Variants in ARHGAP26 observed in about 807,000 individuals in gnomAD.
The protein encoded by ARHGAP26 is Rho GTPase activating protein 26, also known as rho GTPase-activating protein 26.
ARHGAP26 carries 38 observed loss-of-function variants against 104.8 expected under a neutral mutation model. That is an observed-to-expected ratio of 0.36 (90% CI 0.28 to 0.48). ARHGAP26 has a LOEUF of 0.48. Ranked by LOEUF, ARHGAP26 falls within the 20% of genes least tolerant of loss-of-function variation. ARHGAP26 has a pLI of 0.99. For missense variants in ARHGAP26, 704 were observed against 947.9 expected, an observed-to-expected ratio of 0.74 and a Z score of 3.38; for synonymous variants, 341 against 340.0, an observed-to-expected ratio of 1.00 and a Z score of -0.03.
chr5:143,122,053 C>G (rs1796206813), intron 18 of ARHGAP26, among the ~76,000 whole-genome samples: 1 of 152,218 alleles, frequency 6.6e-6, no homozygotes, highest in African/African-American at 2.4e-5. Flanking sequence ...TGACTTTTTA[C>G]AAGAGCCTCC....
intron 3 of ARHGAP26, among the ~76,000 whole-genome samples, chr5:142,876,161 C>T (rs1429016176): frequency 6.6e-6 from 1 of 152,184 alleles, no homozygotes; most frequent in African/African-American, 2.4e-5. Context: ...GACTTGAAGT[C>T]CCCTGCTGCC....
intron 11 of ARHGAP26, among the ~76,000 whole-genome samples, chr5:142,960,432 T>C (rs1770026032): frequency 6.6e-6 from 1 of 152,238 alleles, no homozygotes; most frequent in African/African-American, 2.4e-5. Context: ...AGTTTTTAAT[T>C]GCACATCATT....
At chr5:142,775,250 A>C (rs1475005310) in intron 1 of ARHGAP26, among the ~76,000 whole-genome samples, 2 of 152,160 alleles carry the variant, frequency 1.3e-5, no homozygotes, top group Non-Finnish European at 2.9e-5. Context: ...GTTGCTCTAC[A>C]TTCTGCTCAG....
At chr5:142,885,473 C>G in intron 5 of ARHGAP26, 74 bp downstream of exon 5, 7 of 1,369,822 alleles carry the variant, frequency 5.1e-6, no homozygotes, top group Non-Finnish European at 6.1e-6. Context: ...GCTGGTTGCT[C>G]TTTGCTAGAA....
chr5:142,791,517 G>A (rs1597634409), intron 1 of ARHGAP26, among the ~76,000 whole-genome samples: 2 of 152,172 alleles, frequency 1.3e-5, no homozygotes, highest in East Asian at 3.8e-4. Context: ...TCGGTGAATT[G>A]ATGTGTTTCC....
chr5:143,029,594 A>T (rs144412690), intron 12 of ARHGAP26, among the ~76,000 whole-genome samples: 172 of 151,738 alleles, frequency 1.1e-3, no homozygotes, highest in African/African-American at 3.9e-3. Flanking sequence ...CTTTTTGTAG[A>T]GATGAGGTTT....
intron 17 of ARHGAP26, among the ~76,000 whole-genome samples, chr5:143,060,267 T>C (rs1399421474): frequency 3.3e-5 from 5 of 152,246 alleles, no homozygotes; most frequent in Non-Finnish European, 7.3e-5. Flanking sequence ...ACTTCTCTTA[T>C]TACTTACTGT....
intron 1 of ARHGAP26, among the ~76,000 whole-genome samples, chr5:142,776,974 G>A (rs1756455443): frequency 6.6e-6 from 1 of 152,152 alleles, no homozygotes; most frequent in African/African-American, 2.4e-5. Flanking sequence ...GGTGTGAAGT[G>A]GTATCTCGTT....
chr5:142,934,204 G>C (rs1216851459), intron 11 of ARHGAP26, among the ~76,000 whole-genome samples: 2 of 152,108 alleles, frequency 1.3e-5, no homozygotes, highest in Non-Finnish European at 2.9e-5. Flanking sequence ...TTTGTTCTCT[G>C]TCTGCGTATA....
chr5:142,799,620 A>T (rs898300738), intron 1 of ARHGAP26, among the ~76,000 whole-genome samples: 1 of 152,204 alleles, frequency 6.6e-6, no homozygotes, highest in Non-Finnish European at 1.5e-5. Context: ...TTATTGGCTC[A>T]AAATTCTGGA....
intron 1 of ARHGAP26, among the ~76,000 whole-genome samples, chr5:142,772,519 A>G (rs1278020671): frequency 6.6e-6 from 1 of 152,214 alleles, no homozygotes; most frequent in Non-Finnish European, 1.5e-5. Flanking sequence ...TGCACTGGGC[A>G]CTAAGGGTGT....
intron 11 of ARHGAP26, among the ~76,000 whole-genome samples, chr5:142,985,970 T>C (rs1453864965): frequency 6.6e-6 from 1 of 152,172 alleles, no homozygotes; most frequent in African/African-American, 2.4e-5. Context: ...TAAACATACG[T>C]GTGTATGTGT....
At chr5:142,896,069 A>G (rs1759439374) in intron 6 of ARHGAP26, among the ~76,000 whole-genome samples, 1 of 152,184 alleles carries the variant, frequency 6.6e-6, no homozygotes, top group Non-Finnish European at 1.5e-5. Flanking sequence ...GTTAGGTGTG[A>G]GCAGCTATCT....
chr5:143,178,628 CGTT>C (rs1599383423), intron 20 of ARHGAP26, among the ~76,000 whole-genome samples: 1 of 152,212 alleles, frequency 6.6e-6, no homozygotes, highest in African/African-American at 2.4e-5. Flanking sequence ...TCATTTCTGT[CGTT>C]GTACTTAACA....
chr5:143,225,800 G>A lies in ARHGAP26; in HGVS notation c.*3354G>A. 4.3e-6 allele frequency: 1 copy of A among 230,144 alleles called. No individual in the cohort carries two copies. Among genetic ancestry groups the A allele is most frequent in the Non-Finnish European group, 8.6e-6 (1 of 115,872 alleles). The allele number at this position is 230,144 out of a possible 1,614,324, so 14.3% of individuals were successfully genotyped here. A position where few individuals can be genotyped will look rare whatever the true frequency, so the allele number is the denominator to read the frequency against. On this transcript the variant is annotated 3_prime_UTR_variant, in exon 23 of 23. Transcript: ENST00000645722. ...GGTACCCCCTCCCCAGCTTCCCTGT[G>A]GCTGTGCGGTGCCCTTGACAGATGG...
chr5:142,918,358 G>A lies in ARHGAP26; in HGVS notation c.1028+5065G>A, dbSNP rs576693902. Among the ~76,000 whole-genome samples, 36 of 152,264 alleles carry A rather than the reference G, an allele frequency of 2.4e-4. 1 individual carries two copies. The East Asian group carries it at 3.5e-3, about 15-fold the overall frequency. On this transcript the variant is annotated intron_variant, in intron 10 of 22. Coordinates refer to ENST00000645722, the MANE Select transcript of ARHGAP26 (RefSeq NM_001135608.3). ...GATGGGGTTTCACCATGTTGGCCAGGCTGGTATCAATCTCCTGACCTCAGG... is the reference window on the plus strand; with the variant it reads ...GATGGGGTTTCACCATGTTGGCCAGACTGGTATCAATCTCCTGACCTCAGG...
At chr5:142,816,873 G>T (rs149121597) in intron 1 of ARHGAP26, among the ~76,000 whole-genome samples, 36 of 152,280 alleles carry the variant, frequency 2.4e-4, no homozygotes, top group African/African-American at 8.7e-4. Flanking sequence ...AGTGTGGTTT[G>T]CATGGAGTGT....
intron 1 of ARHGAP26, among the ~76,000 whole-genome samples, chr5:142,833,608 G>A (rs540668390): frequency 3.9e-4 from 60 of 152,130 alleles, no homozygotes; most frequent in Non-Finnish European, 8.2e-4. Context: ...TGGTCAAAGG[G>A]CACAAGCATT....
At chr5:142,882,564 TGTA>T (rs2152394745) in intron 4 of ARHGAP26, among the ~76,000 whole-genome samples, 1 of 152,150 alleles carries the variant, frequency 6.6e-6, no homozygotes, top group East Asian at 1.9e-4. Flanking sequence ...AATTTCCAAT[TGTA>T]GTAGGTTCTT....
Sources: gnomAD v4.1 joint callset for allele counts (sites outside exome capture counted in the v4.1 genomes callset) on GRCh38, gnomAD v4.1.1 for gene constraint, MANE v1.5 for transcripts, NCBI Gene and HGNC (gene_info 2026-07-23, HGNC 2026-07-21) for gene names.